SPACDR: variants seen among roughly 807,000 people sequenced by gnomAD.
SPACDR encodes the protein sperm acrosome developmental regulator, also known as uncharacterized protein C7orf61.
chr7:100,456,655 A>G, the SPACDR span: 1 of 806,208 alleles, frequency 1.2e-6, no homozygotes, highest in Non-Finnish European at 2.0e-6. Context: ...CAATATTTTG[A>G]TACTTGTTTT....
At chr7:100,458,474 A>T in the SPACDR span, among the ~76,000 whole-genome samples, 1 of 152,174 alleles carries the variant, frequency 6.6e-6, no homozygotes, top group Non-Finnish European at 1.5e-5. Flanking sequence ...GTCCTTTAAT[A>T]ACTACACTCT....
chr7:100,457,858 T>TATATATA, the SPACDR span, among the ~76,000 whole-genome samples: 4 of 81,354 alleles, frequency 4.9e-5, no homozygotes, highest in East Asian at 1.3e-3. Context: ...TATATATATA[T>TATATATA]TTTTTTTTTT....
chr7:100,458,840 T>A, the SPACDR span, among the ~76,000 whole-genome samples: 4 of 151,966 alleles, frequency 2.6e-5, no homozygotes, highest in Admixed American at 1.3e-4. Flanking sequence ...GGCAGGAGAA[T>A]AGCTTGAAGC....
the SPACDR span, chr7:100,456,944 C>A: frequency 6.2e-7 from 1 of 1,613,344 alleles, no homozygotes; most frequent in Non-Finnish European, 8.5e-7. Flanking sequence ...AAGGTGACTG[C>A]GTCCTCACTT....
chr7:100,463,285 G>T, the SPACDR span: 1 of 1,236,926 alleles, frequency 8.1e-7, no homozygotes, highest in Non-Finnish European at 1.1e-6. Context: ...GGAAACAATT[G>T]TTGAACAAGT....
chr7:100,457,083 A>G, the SPACDR span: 1 of 754,994 alleles, frequency 1.3e-6, no homozygotes, highest in Non-Finnish European at 2.1e-6. Context: ...GGGCTCCCTG[A>G]TTCCACCTCT....
chr7:100,463,722 G>T, the SPACDR span: 1 of 1,564,294 alleles, frequency 6.4e-7, no homozygotes, highest in East Asian at 2.2e-5. Flanking sequence ...AGACAGGAGA[G>T]AGGGGCAGGG....
At chr7:100,457,878 A>G in the SPACDR span, among the ~76,000 whole-genome samples, 3 of 104,902 alleles carry the variant, frequency 2.9e-5, no homozygotes, top group Admixed American at 1.1e-4. Context: ...TTTTTGTAGA[A>G]ATGGGGTTTT....
At chr7:100,460,581 C>A in the SPACDR span, among the ~76,000 whole-genome samples, 4 of 150,660 alleles carry the variant, frequency 2.7e-5, no homozygotes, top group East Asian at 7.8e-4. Flanking sequence ...GAGAGTGAGA[C>A]TCCATCATAA....
the SPACDR span, chr7:100,456,834 C>A: frequency 6.2e-7 from 1 of 1,613,178 alleles, no homozygotes; most frequent in African/African-American, 1.3e-5. Flanking sequence ...GTGGTGCCGT[C>A]TGTGCCTCTC....
the SPACDR span, chr7:100,464,098 A>C: frequency 9.0e-6 from 4 of 443,120 alleles, no homozygotes; most frequent in Non-Finnish European, 1.2e-5. Context: ...CGGGTGGGGG[A>C]TGGGGTGGGC....
At chr7:100,457,797 A>ATGTGTGTG in the SPACDR span, among the ~76,000 whole-genome samples, 34 of 22,066 alleles carry the variant, frequency 1.5e-3, no homozygotes, top group South Asian at 5.5e-3. Flanking sequence ...ACTTTTATAT[A>ATGTGTGTG]TATATATGTG....
At chr7:100,463,518 C>T in the SPACDR span, 4 of 1,614,018 alleles carry the variant, frequency 2.5e-6, no homozygotes, top group East Asian at 8.9e-5. Flanking sequence ...ACGCAGGGAT[C>T]TGCCAGCTCG....
At chr7:100,457,058 T>C in the SPACDR span, 6 of 1,072,262 alleles carry the variant, frequency 5.6e-6, no homozygotes, top group Non-Finnish European at 8.1e-6. Context: ...GAACGACCCA[T>C]AGATAAACAG....
At chr7:100,463,705 A>C in the SPACDR span, 23 of 1,605,006 alleles carry the variant, frequency 1.4e-5, no homozygotes, top group Admixed American at 3.8e-4. Context: ...CAAGACACAG[A>C]GAGGAGAGAC....
At chr7:100,460,180 C>A in the SPACDR span, among the ~76,000 whole-genome samples, 1 of 149,770 alleles carries the variant, frequency 6.7e-6, no homozygotes, top group Non-Finnish European at 1.5e-5. Flanking sequence ...TGAGCCACTG[C>A]GCCTGGCCTC....
chr7:100,459,476 T>A, the SPACDR span, among the ~76,000 whole-genome samples: 1 of 150,728 alleles, frequency 6.6e-6, no homozygotes, highest in African/African-American at 2.4e-5. Flanking sequence ...TTTTAGTAGA[T>A]ACAGGGTTTC....
chr7:100,458,197 TGTGTGTGTG>T, the SPACDR span, among the ~76,000 whole-genome samples: 1 of 11,322 alleles, frequency 8.8e-5, no homozygotes, highest in East Asian at 2.2e-3. Flanking sequence ...TACTCACTGG[TGTGTGTGTG>T]TGTGTGTGTG....
the SPACDR span, among the ~76,000 whole-genome samples, chr7:100,457,859 T>TA: frequency 1.9e-4 from 14 of 72,852 alleles, no homozygotes; most frequent in East Asian, 4.5e-4. Context: ...ATATATATAT[T>TA]TTTTTTTTTT....
Sources: gnomAD v4.1 joint callset for allele counts (sites outside exome capture counted in the v4.1 genomes callset) on GRCh38, gnomAD v4.1.1 for gene constraint, MANE v1.5 for transcripts, NCBI Gene and HGNC (gene_info 2026-07-23, HGNC 2026-07-21) for gene names.